Variants in SGCZ observed in about 807,000 individuals in gnomAD.
SGCZ encodes sarcoglycan zeta, also known as zeta-sarcoglycan.
SGCZ carries 40 observed loss-of-function variants against 41.3 expected under a neutral mutation model. The observed-to-expected ratio is 0.97, with a 90% CI of 0.75 to 1.26. The LOEUF is 1.26. SGCZ is among the 50% of genes most tolerant of loss of function. SGCZ has a pLI of 0.00. For synonymous variants in SGCZ, 206 were observed against 137.5 expected, an observed-to-expected ratio of 1.50 and a Z score of -3.49; for missense variants, 552 against 369.8, an observed-to-expected ratio of 1.49 and a Z score of -4.04.
intron 1 of SGCZ, among the ~76,000 whole-genome samples, chr8:14,653,623 A>G (rs899303627): frequency 2.9e-4 from 44 of 152,098 alleles, no homozygotes; most frequent in African/African-American, 1.0e-3. Context: ...CTCTATTGAA[A>G]TCCATGTCTA....
intron 1 of SGCZ, among the ~76,000 whole-genome samples, chr8:15,036,655 C>T (rs924477556): frequency 6.6e-6 from 1 of 152,054 alleles, no homozygotes; most frequent in African/African-American, 2.4e-5. Context: ...TTCTACCAAA[C>T]ATTTAAAGAA....
chr8:15,077,995 C>G (rs1805601752), intron 1 of SGCZ, among the ~76,000 whole-genome samples: 1 of 62,498 alleles, frequency 1.6e-5, no homozygotes, highest in Admixed American at 2.1e-4. Context: ...TTGGGCATAC[C>G]CACACTGGAC....
At chr8:15,195,052 T>C (rs1800677821) in intron 1 of SGCZ, among the ~76,000 whole-genome samples, 3 of 152,176 alleles carry the variant, frequency 2.0e-5, no homozygotes, top group Non-Finnish European at 4.4e-5. Flanking sequence ...TCCAAAAAAA[T>C]AAACTATAAA....
chr8:14,850,788 T>C (rs1436065463), intron 1 of SGCZ, among the ~76,000 whole-genome samples: 2 of 152,096 alleles, frequency 1.3e-5, no homozygotes, highest in Non-Finnish European at 2.9e-5. Flanking sequence ...AGTGAGTGAG[T>C]TCTCAGGACA....
At chr8:14,541,893 T>A (rs1032382406) in intron 2 of SGCZ, among the ~76,000 whole-genome samples, 4 of 152,134 alleles carry the variant, frequency 2.6e-5, no homozygotes, top group African/African-American at 4.8e-5. Context: ...GATGATGAGC[T>A]TTTTTCCATA....
intron 3 of SGCZ, among the ~76,000 whole-genome samples, chr8:14,265,055 T>C (rs1183445842): frequency 1.3e-5 from 2 of 152,182 alleles, no homozygotes; most frequent in Non-Finnish European, 1.5e-5. Context: ...GCAGGTGTCA[T>C]TGCATATCCA....
chr8:15,063,984 T>A (rs1262126044), intron 1 of SGCZ, among the ~76,000 whole-genome samples: 1 of 152,182 alleles, frequency 6.6e-6, no homozygotes, highest in East Asian at 1.9e-4. Flanking sequence ...TTCCGATATT[T>A]TATTCTGGTA....
intron 1 of SGCZ, among the ~76,000 whole-genome samples, chr8:15,169,080 T>C (rs187903): frequency 0.91 from 138,551 of 152,194 alleles, 63,090 homozygotes; most frequent in East Asian, 1. Flanking sequence ...CATCAAACTC[T>C]AGTCATGCAA....
intron 1 of SGCZ, among the ~76,000 whole-genome samples, chr8:14,989,570 C>T (rs1801937688): frequency 6.6e-6 from 1 of 151,418 alleles, no homozygotes. Flanking sequence ...GTGCTCAGAG[C>T]AGAAGAGGCC....
intron 1 of SGCZ, among the ~76,000 whole-genome samples, chr8:14,880,220 C>G (rs1804536115): frequency 6.6e-6 from 1 of 152,148 alleles, no homozygotes; most frequent in South Asian, 2.1e-4. Context: ...CATCACTGGC[C>G]ATCAGAGAAA....
chr8:14,719,325 T>C (rs895943528), intron 1 of SGCZ, among the ~76,000 whole-genome samples: 1 of 150,264 alleles, frequency 6.7e-6, no homozygotes, highest in Non-Finnish European at 1.5e-5. Context: ...CGTGTGCATG[T>C]GTCTTTATAG....
intron 1 of SGCZ, among the ~76,000 whole-genome samples, chr8:14,709,139 T>C (rs1809433588): frequency 6.6e-6 from 1 of 152,140 alleles, no homozygotes. Flanking sequence ...AGAAGAAAAG[T>C]ATTTTGTCAT....
At chr8:15,113,421 T>A (rs59388035) in intron 1 of SGCZ, among the ~76,000 whole-genome samples, 5,935 of 152,186 alleles carry the variant, frequency 0.039, 375 homozygotes, top group African/African-American at 0.13. Context: ...AGCTAACAAT[T>A]GATATCAACT....
At chr8:15,154,739 G>A (rs573631705) in intron 1 of SGCZ, among the ~76,000 whole-genome samples, 4 of 152,236 alleles carry the variant, frequency 2.6e-5, no homozygotes, top group East Asian at 1.9e-4. Flanking sequence ...AACAAAAAAT[G>A]GGAGTATTTA....
intron 1 of SGCZ, among the ~76,000 whole-genome samples, chr8:14,956,043 T>C (rs2130843962): frequency 6.8e-6 from 1 of 148,072 alleles, no homozygotes; most frequent in South Asian, 2.2e-4. Flanking sequence ...CTTTTACTTT[T>C]TTTTTTTTTT....
intron 1 of SGCZ, among the ~76,000 whole-genome samples, chr8:14,820,913 T>C (rs1345585078): frequency 7.4e-6 from 1 of 135,988 alleles, no homozygotes; most frequent in African/African-American, 2.8e-5. Context: ...AAAAACACCC[T>C]AAAGGAACAA....
At chr8:15,123,483 G>C (rs779906882) in intron 1 of SGCZ, among the ~76,000 whole-genome samples, 2 of 152,156 alleles carry the variant, frequency 1.3e-5, no homozygotes, top group African/African-American at 2.4e-5. Context: ...GACCAGAGGA[G>C]ATATAGAATT....
At chr8:15,204,980 A>G (rs1801014523) in intron 1 of SGCZ, among the ~76,000 whole-genome samples, 1 of 152,200 alleles carries the variant, frequency 6.6e-6, no homozygotes, top group African/African-American at 2.4e-5. Context: ...TAATTAGGTG[A>G]TGAGAAATAA....
In SGCZ at chr8:14,989,134, G is replaced by A. The variant is rs59188000; in HGVS notation, c.39+248451C>T. ...AGTAGAAACCCCAGTTAAGTTTATG[G>A]GATTCCCAGAGGAGAAGGGTCTGTG... On this transcript the variant is annotated intron_variant, in intron 1 of 7. Transcript: ENST00000382080. Among the ~76,000 whole-genome samples, 590 of 152,236 alleles carry A rather than the reference G, an allele frequency of 3.9e-3. 5 individuals carry two copies. The highest frequency in any genetic ancestry group is 0.013 in the African/African-American group (556 of 41,542).
Sources: gnomAD v4.1 joint callset for allele counts (sites outside exome capture counted in the v4.1 genomes callset) on GRCh38, gnomAD v4.1.1 for gene constraint, MANE v1.5 for transcripts, NCBI Gene and HGNC (gene_info 2026-07-23, HGNC 2026-07-21) for gene names.